Variants in KANK1 observed in about 807,000 individuals in gnomAD.
The protein encoded by KANK1 is KN motif and ankyrin repeat domains 1, also known as KN motif and ankyrin repeat domain-containing protein 1.
A neutral mutation model predicts 106.2 loss-of-function variants in KANK1; 109 were observed. The observed-to-expected ratio is 1.03, with a 90% CI of 0.88 to 1.20. The LOEUF is 1.20. Among genes scored for constraint, KANK1 ranks in the 50% most tolerant of loss-of-function variants. The probability of loss-of-function intolerance (pLI) is 0.00; values close to 1 mark genes in which losing one functional copy is unlikely to be tolerated. For synonymous variants in KANK1, 873 were observed against 652.2 expected (o/e 1.34, Z -5.16); for missense variants, 2,399 against 1,710.7 (o/e 1.40, Z -7.10).
intron 2 of KANK1, among the ~76,000 whole-genome samples, chr9:696,735 G>C (rs1821404342): frequency 6.6e-6 from 1 of 152,116 alleles, no homozygotes; most frequent in Non-Finnish European, 1.5e-5. Context: ...ACATCACTTT[G>C]CAAGGATAGT....
intron 1 of KANK1, among the ~76,000 whole-genome samples, chr9:544,678 GT>G (rs1170739468): frequency 6.6e-6 from 1 of 152,104 alleles, no homozygotes; most frequent in Non-Finnish European, 1.5e-5. Context: ...TTAATGGGAG[GT>G]GGAGGTCGTA....
intron 1 of KANK1, among the ~76,000 whole-genome samples, chr9:518,847 A>C (rs988489092): frequency 2.6e-5 from 4 of 151,022 alleles, no homozygotes; most frequent in African/African-American, 9.8e-5. Flanking sequence ...GGAAACCACA[A>C]CTCCATGAAG....
Position 730,035 on chromosome 9 carries a change from T to A in KANK1, c.2699-16T>A. On this transcript the variant is annotated splice_polypyrimidine_tract_variant and intron_variant, in intron 3 of 11. Coordinates refer to ENST00000382297, the MANE Select transcript of KANK1 (RefSeq NM_015158.5). ...TCCTAGCATCACACACTCTGTACCT[T>A]TCTTTTTCCTGATAGGCAATTATTT... The A allele has an allele frequency of 6.2e-7, 1 of 1,611,820 alleles. No homozygotes were observed. Among genetic ancestry groups the A allele is most frequent in the East Asian group, 2.2e-5 (1 of 44,850 alleles).
At chr9:686,678 A>G (rs913791155) in intron 2 of KANK1, 53 of 841,328 alleles carry the variant, frequency 6.3e-5, no homozygotes, top group Non-Finnish European at 7.6e-5. Flanking sequence ...CCCCAGGGAC[A>G]ACTGTTTGGC....
chr9:541,803 G>A lies in KANK1; in HGVS notation c.-84+37049G>A, dbSNP rs946568824. 7.9e-5 allele frequency among the ~76,000 whole-genome samples: 12 copies of A among 152,154 alleles called. No homozygotes were observed. The East Asian group carries it at 2.1e-3, about 27-fold the overall frequency. ...AAATAAATAACCGGATTAAAAAAAT[G>A]AACAGGCCGGGCGCGGTGGCTCACG... On this transcript the variant is annotated intron_variant, in intron 1 of 11. Transcript: ENST00000382297.
chr9:699,681 G>T (rs1822181904), intron 2 of KANK1, among the ~76,000 whole-genome samples: 2 of 152,202 alleles, frequency 1.3e-5, no homozygotes, highest in African/African-American at 4.8e-5. Context: ...TGTGTCAACT[G>T]ACCTGATATT....
chr9:669,525 C>T (rs1423721893), intron 1 of KANK1, among the ~76,000 whole-genome samples: 3 of 148,746 alleles, frequency 2.0e-5, no homozygotes, highest in Non-Finnish European at 1.5e-5. Flanking sequence ...GGGGTTTTTT[C>T]TTTCAGCACT....
At chr9:736,752 C>T (rs1174200830) in intron 7 of KANK1, among the ~76,000 whole-genome samples, 2 of 151,902 alleles carry the variant, frequency 1.3e-5, no homozygotes, top group Non-Finnish European at 2.9e-5. Flanking sequence ...TATTGAAATT[C>T]TTGGATTTGT....
chr9:530,328 G>A (rs1023357965), intron 1 of KANK1, among the ~76,000 whole-genome samples: 1 of 151,808 alleles, frequency 6.6e-6, no homozygotes, highest in Non-Finnish European at 1.5e-5. Context: ...AAATGTCCAG[G>A]GTTTCTTTTG....
chr9:694,069 C>A (rs908055782), intron 2 of KANK1, among the ~76,000 whole-genome samples: 1 of 151,976 alleles, frequency 6.6e-6, no homozygotes, highest in Non-Finnish European at 1.5e-5. Context: ...CAATAATTTC[C>A]TTTTTTGTTG....
chr9:524,389 G>C (rs971573691), intron 1 of KANK1, among the ~76,000 whole-genome samples: 1 of 151,322 alleles, frequency 6.6e-6, no homozygotes. Flanking sequence ...AAGAATTCAA[G>C]TCAATCTTCA....
chr9:671,647 T>A, intron 1 of KANK1, among the ~76,000 whole-genome samples: 2 of 73,174 alleles, frequency 2.7e-5, no homozygotes, highest in Admixed American at 1.6e-4. Flanking sequence ...GGTTAAGTAC[T>A]GAGAAGCATT....
intron 1 of KANK1, among the ~76,000 whole-genome samples, chr9:641,631 C>T (rs117730505): frequency 4.1e-4 from 63 of 152,254 alleles, no homozygotes; most frequent in Non-Finnish European, 7.4e-4. Context: ...TAGCCTGTGT[C>T]CTTTGTTGAT....
chr9:660,319 G>T, intron 1 of KANK1: 1 of 219,392 alleles, frequency 4.6e-6, no homozygotes, highest in Non-Finnish European at 9.9e-6. Flanking sequence ...AATGTTCATG[G>T]GTTTTAACTG....
At chr9:688,555 G>A (rs368521485) in intron 2 of KANK1, among the ~76,000 whole-genome samples, 6 of 151,366 alleles carry the variant, frequency 4.0e-5, no homozygotes, top group South Asian at 4.2e-4. Context: ...GCAGTGAGCC[G>A]AGATCTGCAC....
chr9:660,602 C>G (rs551347496), intron 1 of KANK1, among the ~76,000 whole-genome samples: 2 of 152,156 alleles, frequency 1.3e-5, no homozygotes, highest in African/African-American at 4.8e-5. Flanking sequence ...TTCAGCCACA[C>G]CTAGACCCCT....
chr9:606,663 A>C (rs1829280544), intron 1 of KANK1, among the ~76,000 whole-genome samples: 1 of 150,582 alleles, frequency 6.6e-6, no homozygotes, highest in Admixed American at 6.6e-5. Flanking sequence ...ATGTTTAGAA[A>C]ATAAAAGATG....
chr9:523,237 C>A (rs72705671), intron 1 of KANK1, among the ~76,000 whole-genome samples: 7,673 of 151,740 alleles, frequency 0.051, 280 homozygotes, highest in South Asian at 0.089. Flanking sequence ...TTCCCCCAAA[C>A]TCCTTCTCCC....
At chr9:491,159 C>G (rs1447830065) in intron 3 of KANK1, among the ~76,000 whole-genome samples, 2 of 151,982 alleles carry the variant, frequency 1.3e-5, no homozygotes, top group Admixed American at 6.6e-5. Context: ...TGTGCTCTTG[C>G]CATGTTTTCC....
Sources: allele counts gnomAD v4.1 joint callset (sites outside exome capture counted in the v4.1 genomes callset), GRCh38; gene constraint gnomAD v4.1.1; transcripts MANE v1.5; gene names NCBI Gene and HGNC (gene_info 2026-07-23, HGNC 2026-07-21).